Variants in ALDH2 observed in about 807,000 individuals in gnomAD.
ALDH2 encodes aldehyde dehydrogenase 2 family member.
ALDH2 carries 44 observed loss-of-function variants against 59.6 expected under a neutral mutation model. The ratio of observed to expected loss-of-function variants is 0.74; its 90% CI spans 0.58 to 0.95. The LOEUF is 0.95. Ranked by LOEUF, ALDH2 falls within the 40% of genes least tolerant of loss-of-function variation. ALDH2 has a pLI of 0.00. For missense variants in ALDH2, 570 were observed against 696.3 expected (o/e 0.82, Z 2.04); for synonymous variants, 291 against 284.0 (o/e 1.02, Z -0.25).
chr12:111,793,753 T>A (rs558808303), intron 9 of ALDH2, among the ~76,000 whole-genome samples: 1 of 151,392 alleles, frequency 6.6e-6, no homozygotes, highest in African/African-American at 2.4e-5. Context: ...GCCTGGCTAA[T>A]TTTTTGTGTT....
At chr12:111,777,156 G>T (rs2068239817) in intron 1 of ALDH2, among the ~76,000 whole-genome samples, 1 of 152,168 alleles carries the variant, frequency 6.6e-6, no homozygotes, top group African/African-American at 2.4e-5. Context: ...TCAAAGCCTG[G>T]CTCTGCCTTT....
chr12:111,768,574 A>G lies in ALDH2; in HGVS notation c.114+1478A>G, dbSNP rs548953144. On this transcript the variant is annotated intron_variant, in intron 1 of 12. Transcript: ENST00000261733. ...TAGCAGAGGCCAGGTGCAGTAGCTC[A>G]TGCCTGTAAATCCCAGCATTTTGGG... Among the ~76,000 whole-genome samples the G allele has an allele frequency of 6.6e-5, 10 of 152,362 alleles. No homozygotes were observed. The South Asian group carries it at 2.1e-3, about 32-fold the overall frequency.
chr12:111,805,218 A>T (rs1435408709), intron 12 of ALDH2, among the ~76,000 whole-genome samples: 1 of 152,202 alleles, frequency 6.6e-6, no homozygotes, highest in Admixed American at 6.5e-5. Flanking sequence ...ACTTATAAAT[A>T]TAAAAAAAGA....
intron 11 of ALDH2, among the ~76,000 whole-genome samples, chr12:111,800,873 C>A (rs2068446513): frequency 6.6e-6 from 1 of 152,122 alleles, no homozygotes; most frequent in African/African-American, 2.4e-5. Context: ...GTATATGAAT[C>A]TTCACAGCAG....
rs201939387 is a variant in ALDH2 at position 111,803,943 on chromosome 12, C to G, written c.1491C>G (p.Tyr497Ter). Residue 497 changes from tyrosine (Y) to a stop codon, truncating the protein, a stop_gained, in exon 12 of 13, where the codon TAC becomes TAG. Coordinates refer to ENST00000261733, the MANE Select transcript of ALDH2 (RefSeq NM_000690.4). LOFTEE classifies it high-confidence loss of function. ...GGAGTGGCCGGGAGTTGGGCGAGTA[C>G]GGGCTGCAGGCATACACTGAAGTGA... ...MSGSGRELGE[Y>*]GLQAYTEVKT... 54 of 1,610,994 alleles carry G rather than the reference C, an allele frequency of 3.4e-5. No homozygotes were observed. The highest frequency in any genetic ancestry group is 4.5e-5 in the Non-Finnish European group (53 of 1,178,526).
chr12:111,803,768 A>G, intron 11 of ALDH2, 91 bp from the exon 12 acceptor site: 1 of 827,060 alleles, frequency 1.2e-6, no homozygotes, highest in Non-Finnish European at 1.7e-6. Context: ...AGTTAAAAAT[A>G]AAATAAAGAC....
intron 12 of ALDH2, among the ~76,000 whole-genome samples, chr12:111,804,705 C>A (rs1222220910): frequency 6.6e-6 from 1 of 150,654 alleles, no homozygotes; most frequent in Non-Finnish European, 1.5e-5. Flanking sequence ...CGAGATTGTG[C>A]CATTGCACTC....
chr12:111,784,928 G>C (rs556864953), intron 3 of ALDH2, among the ~76,000 whole-genome samples: 1 of 152,218 alleles, frequency 6.6e-6, no homozygotes, highest in African/African-American at 2.4e-5. Flanking sequence ...CTGAGGACTT[G>C]TGTCATTATG....
chr12:111,772,286 T>C (rs1318559857), intron 1 of ALDH2, among the ~76,000 whole-genome samples: 1 of 152,198 alleles, frequency 6.6e-6, no homozygotes, highest in Non-Finnish European at 1.5e-5. Context: ...AGCCAAAACC[T>C]GTGTTTTGGA....
intron 10 of ALDH2, among the ~76,000 whole-genome samples, chr12:111,799,099 G>A (rs1014663978): frequency 6.6e-6 from 1 of 151,992 alleles, no homozygotes; most frequent in Non-Finnish European, 1.5e-5. Context: ...TCCTGACTTC[G>A]TGATCTGCCT....
rs1183970549 is a variant in ALDH2 at position 111,799,932 on chromosome 12, G to A, written c.1275G>A (p.Leu425=). 2 of 1,614,018 alleles carry A rather than the reference G, an allele frequency of 1.2e-6. No homozygotes were observed. Among genetic ancestry groups the A allele is most frequent in the Admixed American group, 3.3e-5 (2 of 60,020 alleles). ...TCTTCGGGCCAGTGATGCAGATCCT[G>A]AAGTTCAAGACCATAGAGGAGGTTG... is the stretch of plus-strand genomic sequence containing the variant. ...EEIFGPVMQI[L]KFKTIEEVVG... The change falls in exon 11 of 13, where the codon CTG becomes CTA. Residue 425 remains leucine (L), a synonymous_variant. Coordinates refer to ENST00000261733, the MANE Select transcript of ALDH2 (RefSeq NM_000690.4).
At position 111,767,078 on chromosome 12, in the gene ALDH2, C is replaced by T; in HGVS notation, c.96C>T (p.Pro32=). ...TQAVPAPNQQ[P]EVFCNQIFIN... is the part of the protein sequence containing the mutation. ...CCGTGCCTGCCCCCAACCAGCAGCC[C>T]GAGGTCTTCTGCAACCAGGTGAGCC... Residue 32 remains proline (P), a synonymous_variant, in exon 1 of 13, where the codon CCC becomes CCT. Coordinates refer to ENST00000261733, the MANE Select transcript of ALDH2 (RefSeq NM_000690.4). The T allele has an allele frequency of 6.6e-7, 1 of 1,519,526 alleles. No individual in the cohort carries two copies. Among genetic ancestry groups the T allele is most frequent in the East Asian group, 2.6e-5 (1 of 38,210 alleles). The allele number at this position is 1,519,526 out of a possible 1,614,324, so 94.1% of individuals were successfully genotyped here.
At chr12:111,785,396 G>A in intron 4 of ALDH2, 50 bp downstream of exon 4, 1 of 1,519,098 alleles carries the variant, frequency 6.6e-7, no homozygotes, top group Non-Finnish European at 9.1e-7. Context: ...AAAAGGGGAG[G>A]CAACGTTGTT....
intron 1 of ALDH2, 57 bp from the exon 2 acceptor site, chr12:111,781,861 G>A: frequency 8.1e-7 from 1 of 1,232,420 alleles, no homozygotes; most frequent in Non-Finnish European, 1.2e-6. Flanking sequence ...TTACAATACT[G>A]GTAGTCAGTA....
chr12:111,803,351 G>A (rs1379294260), intron 11 of ALDH2, among the ~76,000 whole-genome samples: 1 of 151,600 alleles, frequency 6.6e-6, no homozygotes, highest in Non-Finnish European at 1.5e-5. Context: ...TAATCCCAGT[G>A]CTTTGGGAGC....
intron 1 of ALDH2, chr12:111,775,530 C>G: frequency 2.5e-6 from 1 of 394,696 alleles, no homozygotes; most frequent in Non-Finnish European, 5.1e-6. Flanking sequence ...TTTTACAAAA[C>G]AAAGTGAGAT....
In ALDH2 at chr12:111,766,942, G is replaced by C. The variant is rs971804240; in HGVS notation, c.-41G>C. The C allele has an allele frequency of 7.4e-6, 11 of 1,495,936 alleles. No homozygotes were observed. Among genetic ancestry groups the C allele is most frequent in the African/African-American group, 1.4e-5 (1 of 69,140 alleles). 92.7% of individuals were successfully genotyped at this position (1,495,936 alleles called of 1,614,324 possible). A position where few individuals can be genotyped will look rare whatever the true frequency, so the allele number is the denominator to read the frequency against. On this transcript the variant is annotated 5_prime_UTR_variant, in exon 1 of 13. Coordinates refer to ENST00000261733, the MANE Select transcript of ALDH2 (RefSeq NM_000690.4). ...TCGGCTCAGTGGCCCTGAGACCCTA[G>C]CTCTGCTCTCGGTCCGCTCGCTGTC...
rs1469485981 is a variant in ALDH2 at position 111,766,953 on chromosome 12, G to T, written c.-30G>T. 5.3e-6 allele frequency: 8 copies of T among 1,511,308 alleles called. No individual in the cohort carries two copies. The highest frequency in any genetic ancestry group is 4.0e-5 in the Admixed American group (2 of 49,614). The allele number at this position is 1,511,308 out of a possible 1,614,324, so 93.6% of individuals were successfully genotyped here. On this transcript the variant is annotated 5_prime_UTR_variant, in exon 1 of 13. Transcript: ENST00000261733. ...GCCCTGAGACCCTAGCTCTGCTCTC[G>T]GTCCGCTCGCTGTCCGCTAGCCCGC...
At chr12:111,772,924 CAG>C (rs2068211724) in intron 1 of ALDH2, among the ~76,000 whole-genome samples, 1 of 147,922 alleles carries the variant, frequency 6.8e-6, no homozygotes, top group Non-Finnish European at 1.5e-5. Context: ...GGCCTAGTGA[CAG>C]AGTGAGACTC....
Sources: allele counts gnomAD v4.1 joint callset (sites outside exome capture counted in the v4.1 genomes callset), GRCh38; gene constraint gnomAD v4.1.1; transcripts MANE v1.5; gene names NCBI Gene and HGNC (gene_info 2026-07-23, HGNC 2026-07-21).